NCKAP5: variants seen among roughly 807,000 people sequenced by gnomAD.
NCKAP5 encodes the protein NCK associated protein 5, also known as nck-associated protein 5.
In NCKAP5, 92 loss-of-function variants were observed where a neutral mutation model predicts 167.0. The observed-to-expected ratio is 0.55, with a 90% CI of 0.47 to 0.66. NCKAP5 has a LOEUF of 0.66. NCKAP5 is among the 30% of genes least tolerant of loss of function. The pLI is 0.00. For missense variants in NCKAP5, 2,378 were observed against 2,315.0 expected, an observed-to-expected ratio of 1.03 and a Z score of -0.56; for synonymous variants, 891 against 877.4, an observed-to-expected ratio of 1.02 and a Z score of -0.27.
intron 4 of NCKAP5, among the ~76,000 whole-genome samples, chr2:133,241,103 T>C (rs1438781696): frequency 1.3e-5 from 2 of 152,210 alleles, no homozygotes; most frequent in Admixed American, 6.5e-5. Context: ...AACTGGTCTT[T>C]AGAGAGCAAG....
At chr2:133,666,787 G>T in the NCKAP5 span, among the ~76,000 whole-genome samples, 2 of 151,816 alleles carry the variant, frequency 1.3e-5, no homozygotes, top group Non-Finnish European at 2.9e-5. Flanking sequence ...ACACAAATTG[G>T]CACTCCACCA....
chr2:133,146,423 A>G (rs888090593), intron 5 of NCKAP5, among the ~76,000 whole-genome samples: 1 of 152,138 alleles, frequency 6.6e-6, no homozygotes, highest in African/African-American at 2.4e-5. Context: ...AATTTTAAAA[A>G]GCACTACTAC....
intron 3 of NCKAP5, among the ~76,000 whole-genome samples, chr2:133,424,774 T>A (rs915337526): frequency 3.3e-5 from 5 of 152,332 alleles, no homozygotes; most frequent in Middle Eastern, 3.4e-3. Flanking sequence ...TCTGCATTTC[T>A]ACAAAATCCC....
At chr2:132,984,778 A>G (rs1160773495) in intron 7 of NCKAP5, among the ~76,000 whole-genome samples, 1 of 151,878 alleles carries the variant, frequency 6.6e-6, no homozygotes, top group African/African-American at 2.4e-5. Context: ...CTAAAAAAAC[A>G]AAAGACAGTT....
intron 5 of NCKAP5, among the ~76,000 whole-genome samples, chr2:133,132,530 A>G (rs1260227252): frequency 1.3e-5 from 2 of 149,060 alleles, no homozygotes; most frequent in Non-Finnish European, 3.0e-5. Flanking sequence ...CCCTGATAAC[A>G]CAGAGAAAAT....
At chr2:133,032,035 C>T (rs1193111255) in intron 6 of NCKAP5, among the ~76,000 whole-genome samples, 1 of 152,102 alleles carries the variant, frequency 6.6e-6, no homozygotes, top group African/African-American at 2.4e-5. Flanking sequence ...AACTCAGTAC[C>T]TTACCAGCTG....
At chr2:133,486,055 G>C (rs1680878014) in intron 3 of NCKAP5, among the ~76,000 whole-genome samples, 1 of 152,146 alleles carries the variant, frequency 6.6e-6, no homozygotes, top group Non-Finnish European at 1.5e-5. Context: ...ATCTCCCCAA[G>C]TCCCTGTCTA....
At chr2:133,228,352 T>G (rs1254412994) in intron 4 of NCKAP5, among the ~76,000 whole-genome samples, 1 of 152,222 alleles carries the variant, frequency 6.6e-6, no homozygotes, top group Non-Finnish European at 1.5e-5. Context: ...TTTTTGGAAC[T>G]CAATAGTTTT....
At chr2:133,199,706 C>T (rs530715247) in intron 5 of NCKAP5, among the ~76,000 whole-genome samples, 1 of 152,066 alleles carries the variant, frequency 6.6e-6, no homozygotes, top group African/African-American at 2.4e-5. Context: ...AGCAATTTCA[C>T]TCCTAGGTAT....
intron 3 of NCKAP5, among the ~76,000 whole-genome samples, chr2:133,493,749 G>T (rs1238080150): frequency 1.3e-5 from 2 of 152,182 alleles, no homozygotes; most frequent in Non-Finnish European, 2.9e-5. Flanking sequence ...GTTTCCATTT[G>T]CTTATAGTAC....
intron 3 of NCKAP5, among the ~76,000 whole-genome samples, chr2:133,380,179 G>A (rs1686420288): frequency 6.6e-6 from 1 of 152,096 alleles, no homozygotes; most frequent in Non-Finnish European, 1.5e-5. Flanking sequence ...CCTAGTATAA[G>A]AAAAAGTCTA....
intron 3 of NCKAP5, among the ~76,000 whole-genome samples, chr2:133,428,870 T>C (rs957416081): frequency 1.3e-5 from 2 of 152,160 alleles, no homozygotes; most frequent in African/African-American, 4.8e-5. Context: ...ACTAATAGTA[T>C]CTAAATGTTA....
chr2:133,006,892 T>C (rs6754403), intron 6 of NCKAP5, among the ~76,000 whole-genome samples: 98,712 of 152,124 alleles, frequency 0.65, 32,440 homozygotes, highest in Middle Eastern at 0.8. Context: ...CATCTAGCCG[T>C]ATGGATGCCA....
intron 4 of NCKAP5, among the ~76,000 whole-genome samples, chr2:133,268,697 C>G (rs370465329): frequency 4.3e-4 from 65 of 152,224 alleles, no homozygotes; most frequent in African/African-American, 1.5e-3. Flanking sequence ...GTCTCGATCT[C>G]CTGACCTCGT....
At chr2:133,223,348 C>G (rs1167541376) in intron 4 of NCKAP5, among the ~76,000 whole-genome samples, 1 of 152,090 alleles carries the variant, frequency 6.6e-6, no homozygotes, top group Non-Finnish European at 1.5e-5. Context: ...GTGGGGAGAA[C>G]AGGTTTGCTC....
At chr2:132,692,761 G>C (rs1298921609) in intron 19 of NCKAP5, among the ~76,000 whole-genome samples, 3 of 152,154 alleles carry the variant, frequency 2.0e-5, no homozygotes, top group Non-Finnish European at 4.4e-5. Context: ...TGCAAACCAA[G>C]GTACTGCTTG....
intron 4 of NCKAP5, among the ~76,000 whole-genome samples, chr2:133,295,598 A>G (rs1013600288): frequency 6.6e-6 from 1 of 152,202 alleles, no homozygotes; most frequent in Non-Finnish European, 1.5e-5. Flanking sequence ...CTGATGCTCA[A>G]CTGTGAGAGG....
chr2:132,943,281 C>T (rs1185678687), intron 8 of NCKAP5, among the ~76,000 whole-genome samples: 1 of 152,196 alleles, frequency 6.6e-6, no homozygotes, highest in African/African-American at 2.4e-5. Context: ...TAGATTATGA[C>T]AGAAACTTCA....
intron 2 of NCKAP5, among the ~76,000 whole-genome samples, chr2:133,542,307 C>T (rs556310364): frequency 1.3e-5 from 2 of 151,948 alleles, no homozygotes; most frequent in African/African-American, 2.4e-5. Context: ...TTCCACAGTA[C>T]CATATTTGAG....
Sources: gnomAD v4.1 joint callset for allele counts (sites outside exome capture counted in the v4.1 genomes callset) on GRCh38, gnomAD v4.1.1 for gene constraint, MANE v1.5 for transcripts, NCBI Gene and HGNC (gene_info 2026-07-23, HGNC 2026-07-21) for gene names.